Variants in TMEM170B observed in about 807,000 individuals in gnomAD.
TMEM170B encodes the protein transmembrane protein 170B.
A neutral mutation model predicts 13.0 loss-of-function variants in TMEM170B; 6 were observed. The ratio of observed to expected loss-of-function variants is 0.46; its 90% CI spans 0.25 to 0.91. TMEM170B has a LOEUF of 0.91. Ranked by LOEUF, TMEM170B falls within the 40% of genes least tolerant of loss-of-function variation. The probability of loss-of-function intolerance (pLI) is 0.17; values close to 1 mark genes in which losing one functional copy is unlikely to be tolerated. For synonymous variants in TMEM170B, 61 were observed against 64.9 expected (o/e 0.94, Z 0.29); for missense variants, 138 against 165.2 (o/e 0.84, Z 0.90).
intron 1 of TMEM170B, 72 bp downstream of exon 1, chr6:11,538,446 G>A: frequency 1.7e-6 from 2 of 1,176,508 alleles, no homozygotes; most frequent in Non-Finnish European, 2.3e-6. Flanking sequence ...CCTCGGGAGG[G>A]GACACGCTCC....
At chr6:11,569,072 C>T (rs1398539114) in intron 2 of TMEM170B, among the ~76,000 whole-genome samples, 1 of 152,012 alleles carries the variant, frequency 6.6e-6, no homozygotes, top group Non-Finnish European at 1.5e-5. Context: ...TTGAGCATCT[C>T]TTCTTATGTT....
intron 1 of TMEM170B, among the ~76,000 whole-genome samples, chr6:11,561,847 A>T (rs1056828895): frequency 3.9e-5 from 6 of 152,170 alleles, no homozygotes; most frequent in African/African-American, 1.4e-4. Flanking sequence ...GATTATTTTG[A>T]TACCTTTGGT....
chr6:11,539,964 G>GT (rs2113758964), intron 1 of TMEM170B, among the ~76,000 whole-genome samples: 1 of 152,262 alleles, frequency 6.6e-6, no homozygotes, highest in East Asian at 1.9e-4. Flanking sequence ...GCATGTAAAA[G>GT]TTACATTTTA....
rs2083847383 is a variant in TMEM170B at position 11,577,798 on chromosome 6, A to G, written c.*2237A>G. 2 of 151,946 alleles carry G rather than the reference A, an allele frequency of 1.3e-5. No homozygotes were observed. The highest frequency in any genetic ancestry group is 2.4e-5 in the African/African-American group (1 of 41,380). The allele number at this position is 151,946 out of a possible 1,614,324, so 9.4% of individuals were successfully genotyped here. ...ATTATCAAGTTGCTTTACATTATCA[A>G]TTGTGTGTGTATGTGTATACTTTTA... is the stretch of plus-strand genomic sequence containing the variant. On this transcript the variant is annotated 3_prime_UTR_variant, in exon 3 of 3. Transcript: ENST00000379426.
In TMEM170B at chr6:11,581,643, T is replaced by C. The variant is rs1440927661; in HGVS notation, c.*6082T>C. On this transcript the variant is annotated 3_prime_UTR_variant, in exon 3 of 3. Transcript: ENST00000379426. ...TAACACTTTTTCTCTTATAAATTGGTAGTTCCTAAAAATCACCACTTTAAA... is the reference window on the plus strand; with the variant it reads ...TAACACTTTTTCTCTTATAAATTGGCAGTTCCTAAAAATCACCACTTTAAA... 6.6e-6 allele frequency: 1 copy of C among 152,240 alleles called. No homozygotes were observed. The highest frequency in any genetic ancestry group is 1.5e-5 in the Non-Finnish European group (1 of 68,036). 9.4% of individuals were successfully genotyped at this position (152,240 alleles called of 1,614,324 possible). A position where few individuals can be genotyped will look rare whatever the true frequency, so the allele number is the denominator to read the frequency against.
chr6:11,574,610 CATATT>C (rs1158901256), intron 2 of TMEM170B, among the ~76,000 whole-genome samples: 1 of 152,080 alleles, frequency 6.6e-6, no homozygotes. Context: ...TGTGGGATGG[CATATT>C]ATAATTTAAA....
intron 1 of TMEM170B, among the ~76,000 whole-genome samples, chr6:11,551,070 A>G (rs1389433725): frequency 6.6e-5 from 10 of 152,158 alleles, no homozygotes; most frequent in Non-Finnish European, 1.3e-4. Flanking sequence ...TGTCCAGTCA[A>G]GCTGTCAGCC....
chr6:11,564,844 C>T (rs1462309527), intron 1 of TMEM170B, among the ~76,000 whole-genome samples: 2 of 152,208 alleles, frequency 1.3e-5, no homozygotes, highest in Non-Finnish European at 2.9e-5. Flanking sequence ...CCAGAAGTCC[C>T]AGGGGAAGGG....
rs35584418 is a variant in TMEM170B at position 11,546,012 on chromosome 6, TAAAAAAAAAA to T, written c.97+7652_97+7661del. ...GGGCAACAGAGCGAGACTCCGTCTT[TAAAAAAAAAA>T]AAAAAAAAAAAAAGGCAAGCTGTAA... On this transcript the variant is annotated intron_variant, in intron 1 of 2. Transcript: ENST00000379426. Among the ~76,000 whole-genome samples, 10 of 95,544 alleles carry T rather than the reference TAAAAAAAAAA, an allele frequency of 1.0e-4. 1 individual carries two copies. In the South Asian group the frequency reaches 1.9e-3, roughly 19 times the overall value. The allele number at this position is 95,544 out of a possible 152,430, so 62.7% of individuals were successfully genotyped here.
At chr6:11,565,533 C>G (rs569783486) in intron 1 of TMEM170B, 133 bp from the exon 2 acceptor site, 1 of 825,244 alleles carries the variant, frequency 1.2e-6, no homozygotes, top group African/African-American at 1.7e-5. Context: ...CTACTTGTGT[C>G]AGGCACTGTG....
rs151204389 is a variant in TMEM170B, at chr6:11,560,203, C to T, written c.98-5463C>T. ...ATTTTTTGAGACAGTCTTGCTGTGTCGCCCAGGCTGGAGTGCAGTGGCGTG... is the reference window on the plus strand; with the variant it reads ...ATTTTTTGAGACAGTCTTGCTGTGTTGCCCAGGCTGGAGTGCAGTGGCGTG... On this transcript the variant is annotated intron_variant, in intron 1 of 2. Transcript: ENST00000379426. 3.8e-3 allele frequency among the ~76,000 whole-genome samples: 579 copies of T among 151,624 alleles called. 2 individuals are homozygous for T. Among genetic ancestry groups the T allele is most frequent in the African/African-American group, 0.013 (537 of 41,344 alleles).
At chr6:11,574,860 T>TA (rs1263104205) in intron 2 of TMEM170B, among the ~76,000 whole-genome samples, 1 of 152,152 alleles carries the variant, frequency 6.6e-6, no homozygotes, top group African/African-American at 2.4e-5. Flanking sequence ...CCAAATAACT[T>TA]AGAGTCGGAT....
chr6:11,567,725 G>C (rs72836611), intron 2 of TMEM170B, among the ~76,000 whole-genome samples: 22,148 of 152,158 alleles, frequency 0.15, 1,916 homozygotes, highest in African/African-American at 0.24. Flanking sequence ...GTCATAGACG[G>C]GGTTTTAAAC....
intron 2 of TMEM170B, among the ~76,000 whole-genome samples, chr6:11,567,029 C>T (rs1759742894): frequency 1.3e-5 from 2 of 152,216 alleles, no homozygotes; most frequent in African/African-American, 4.8e-5. Context: ...CTCCCTGGTG[C>T]CTGTGACCAA....
At position 11,538,295 on chromosome 6, in the gene TMEM170B, C is replaced by A; in HGVS notation, c.18C>A (p.Gly6=). 7.0e-7 allele frequency: 1 copy of A among 1,435,156 alleles called. No individual in the cohort carries two copies. Among genetic ancestry groups the A allele is most frequent in the Non-Finnish European group, 9.1e-7 (1 of 1,095,540 alleles). The allele number at this position is 1,435,156 out of a possible 1,614,324, so 88.9% of individuals were successfully genotyped here. A position where few individuals can be genotyped will look rare whatever the true frequency, so the allele number is the denominator to read the frequency against. ...CGGGGAAGATGAAGGCGGAGGGGGG[C>A]GACCACTCCATGATCAACCTGTCGG... MKAEG[G]DHSMINLSVQ... Residue 6 remains glycine, a synonymous_variant, in exon 1 of 3, where the codon GGC becomes GGA. Transcript: ENST00000379426.
chr6:11,567,082 T>TC (rs1239160796), intron 2 of TMEM170B, among the ~76,000 whole-genome samples: 1 of 152,148 alleles, frequency 6.6e-6, no homozygotes, highest in Non-Finnish European at 1.5e-5. Flanking sequence ...CACCTGATGG[T>TC]CACCTGACAT....
intron 1 of TMEM170B, among the ~76,000 whole-genome samples, chr6:11,553,974 C>T (rs1174167725): frequency 2.6e-5 from 4 of 152,088 alleles, no homozygotes; most frequent in Non-Finnish European, 5.9e-5. Context: ...TAATTACTTC[C>T]TTACAGTTAG....
At chr6:11,565,909 A>G in intron 2 of TMEM170B, 73 bp downstream of exon 2, 1 of 1,396,862 alleles carries the variant, frequency 7.2e-7, no homozygotes, top group Non-Finnish European at 1.0e-6. Flanking sequence ...TGTTCTTATT[A>G]TACATGTAAC....
chr6:11,552,263 A>G (rs1157691956), intron 1 of TMEM170B, among the ~76,000 whole-genome samples: 1 of 152,244 alleles, frequency 6.6e-6, no homozygotes, highest in East Asian at 1.9e-4. Context: ...AAATTTCAGT[A>G]TAAATGACTC....
Sources: allele counts gnomAD v4.1 joint callset (sites outside exome capture counted in the v4.1 genomes callset), GRCh38; gene constraint gnomAD v4.1.1; transcripts MANE v1.5; gene names NCBI Gene and HGNC (gene_info 2026-07-23, HGNC 2026-07-21).